The following NR1D2 variants were observed in gnomAD, a reference collection of about 807,000 sequenced individuals.
NR1D2 encodes the protein nuclear receptor subfamily 1 group D member 2.
In NR1D2, 25 loss-of-function variants were observed where a neutral mutation model predicts 52.2. That is an observed-to-expected ratio of 0.48 (90% CI 0.35 to 0.67). The LOEUF (loss-of-function observed/expected upper bound fraction) is 0.67, where lower values mean the gene tolerates loss of function less well. Among genes scored for constraint, NR1D2 ranks in the 30% least tolerant of loss-of-function variants. The pLI, the probability that NR1D2 is intolerant of heterozygous loss-of-function variation, is 0.01. For synonymous variants in NR1D2, 259 were observed against 230.1 expected (o/e 1.13, Z -1.14); for missense variants, 681 against 707.2 (o/e 0.96, Z 0.42).
intron 3 of NR1D2, among the ~76,000 whole-genome samples, chr3:23,957,390 CTTTTTTTTTT>C (rs201651739): frequency 1.8e-5 from 2 of 110,560 alleles, no homozygotes; most frequent in African/African-American, 3.6e-5. Flanking sequence ...CTCTATATAT[CTTTTTTTTTT>C]TTTTTTTTTT....
chr3:23,965,498 T>A (rs1346442388), intron 6 of NR1D2, among the ~76,000 whole-genome samples: 1 of 151,786 alleles, frequency 6.6e-6, no homozygotes, highest in African/African-American at 2.4e-5. Context: ...TCTGCCCACT[T>A]TGGCCTCCTA....
chr3:23,953,553 T>C (rs1224811786), intron 1 of NR1D2, among the ~76,000 whole-genome samples: 1 of 152,092 alleles, frequency 6.6e-6, no homozygotes, highest in Non-Finnish European at 1.5e-5. Context: ...CTGGATTTCT[T>C]AAGAGCTGCT....
chr3:23,945,458 A>T lies in NR1D2; in HGVS notation c.-121A>T, dbSNP rs1412097923. On this transcript the variant is annotated 5_prime_UTR_variant, in exon 1 of 8. The change abolishes an upstream ATG in the 5' untranslated region. Coordinates refer to ENST00000312521, the MANE Select transcript of NR1D2 (RefSeq NM_005126.5). ...CCCGGGAGCCCCGCCCGCTCTGCCC[A>T]TGAGGGGGCCCCGCGACCACCGCTG... 4.5e-6 allele frequency: 2 copies of T among 447,704 alleles called. No homozygotes were observed. Among genetic ancestry groups the T allele is most frequent in the Non-Finnish European group, 6.1e-6 (2 of 326,650 alleles). 27.7% of individuals were successfully genotyped at this position (447,704 alleles called of 1,614,324 possible).
chr3:23,945,839 T>G (rs1052872611), intron 1 of NR1D2, among the ~76,000 whole-genome samples: 5 of 150,330 alleles, frequency 3.3e-5, no homozygotes, highest in East Asian at 2.0e-4. Flanking sequence ...CCCCCTCACA[T>G]GGCCCGGCCG....
Position 23,967,881 on chromosome 3 carries a change from G to A in NR1D2, c.1401G>A (p.Lys467=), listed in dbSNP as rs141382184. 6.8e-6 allele frequency: 11 copies of A among 1,613,976 alleles called. No individual in the cohort carries two copies. The highest frequency in any genetic ancestry group is 9.3e-6 in the Non-Finnish European group (11 of 1,179,984). Residue 467 remains lysine, a synonymous_variant, in exon 7 of 8, where the codon AAG becomes AAA. Coordinates refer to ENST00000312521, the MANE Select transcript of NR1D2 (RefSeq NM_005126.5). ...KERTVTFLSG[K]KYSVDDLHSM... The stretch of plus-strand genomic sequence containing the variant: ...GTACTGTCACCTTTTTAAGTGGAAA[G>A]AAATATAGTGTGGATGATTTACACT...
At chr3:23,970,291 A>G (rs535981269) in intron 7 of NR1D2, among the ~76,000 whole-genome samples, 1 of 152,312 alleles carries the variant, frequency 6.6e-6, no homozygotes, top group South Asian at 2.1e-4. Flanking sequence ...TCCCAGAGGT[A>G]GTTCAGAGGA....
intron 1 of NR1D2, among the ~76,000 whole-genome samples, chr3:23,951,549 C>T (rs1418932490): frequency 6.6e-6 from 1 of 152,224 alleles, no homozygotes. Context: ...TATATAAAGA[C>T]AGCACAATGG....
intron 1 of NR1D2, chr3:23,946,293 C>A (rs1305534874): frequency 4.1e-6 from 4 of 985,392 alleles, no homozygotes; most frequent in African/African-American, 1.7e-5. Context: ...CCAAACGAAC[C>A]GGCGCCTGGG....
chr3:23,968,139 G>A (rs1203101783), intron 7 of NR1D2, 116 bp downstream of exon 7: 2 of 744,184 alleles, frequency 2.7e-6, no homozygotes, highest in Admixed American at 2.4e-5. Context: ...CCTTAAGGAA[G>A]ATGCTAAATT....
rs187732676 is a variant in NR1D2, at chr3:23,950,145, A to T, written c.17-4392A>T. On this transcript the variant is annotated intron_variant, in intron 1 of 7. Transcript: ENST00000312521. ...CTCTTCTTACTTTATCATCAAAAAC[A>T]GTGTATGAAAAAAGCACTTATGAAT... Among the ~76,000 whole-genome samples, 203 of 152,344 alleles carry T rather than the reference A, an allele frequency of 1.3e-3. 1 individual carries two copies. The highest frequency in any genetic ancestry group is 2.2e-3 in the Non-Finnish European group (151 of 68,032).
At chr3:23,947,366 C>A (rs1318945458) in intron 1 of NR1D2, among the ~76,000 whole-genome samples, 1 of 152,232 alleles carries the variant, frequency 6.6e-6, no homozygotes, top group Non-Finnish European at 1.5e-5. Flanking sequence ...CCATCCCCTT[C>A]CCCCTTCAGT....
At chr3:23,962,662 C>G in intron 5 of NR1D2, 57 bp downstream of exon 5, 3 of 1,505,996 alleles carry the variant, frequency 2.0e-6, no homozygotes, top group Non-Finnish European at 2.7e-6. Flanking sequence ...TGAAAATTTT[C>G]TTTTATTCGG....
intron 7 of NR1D2, among the ~76,000 whole-genome samples, chr3:23,974,545 G>A (rs1027906686): frequency 1.3e-5 from 2 of 151,908 alleles, no homozygotes; most frequent in Admixed American, 6.6e-5. Context: ...TTTGTTCACC[G>A]CTGATTTCCA....
At chr3:23,964,848 T>A in intron 5 of NR1D2, 129 bp from the exon 6 acceptor site, 1 of 630,328 alleles carries the variant, frequency 1.6e-6, no homozygotes, top group Non-Finnish European at 2.7e-6. Context: ...AGTGCTAATA[T>A]CTCAGTAGAT....
At chr3:23,950,230 C>T (rs988085067) in intron 1 of NR1D2, among the ~76,000 whole-genome samples, 1 of 152,202 alleles carries the variant, frequency 6.6e-6, no homozygotes, top group African/African-American at 2.4e-5. Flanking sequence ...GAAGACCACT[C>T]AGGTTTAGAA....
chr3:23,963,516 C>T (rs1706345061), intron 5 of NR1D2: 1 of 464,578 alleles, frequency 2.2e-6, no homozygotes, highest in Non-Finnish European at 2.8e-6. Flanking sequence ...GTGGCGCGAC[C>T]TCAGCTCATT....
At position 23,967,934 on chromosome 3, in the gene NR1D2, CTA is replaced by C. The variant is rs1706493895; in HGVS notation, c.1456_1457del (p.Met486ValfsTer2). 1.9e-6 allele frequency: 3 copies of C among 1,613,924 alleles called. No individual in the cohort carries two copies. The highest frequency in any genetic ancestry group is 3.3e-5 in the Admixed American group (2 of 59,994). On this transcript the variant is annotated frameshift_variant, in exon 7 of 8. Coordinates refer to ENST00000312521, the MANE Select transcript of NR1D2 (RefSeq NM_005126.5). LOFTEE classifies it high-confidence loss of function. ...ATGGGAGCAGGGGATCTGCTAAACT[CTA>C]TGTTTGAATTTAGTGAGAAGCTAAA...
Position 23,972,364 on chromosome 3 carries a change from A to G in NR1D2, c.1543+4341A>G, listed in dbSNP as rs138358494. 1.0e-3 allele frequency among the ~76,000 whole-genome samples: 155 copies of G among 152,352 alleles called. 1 individual carries two copies. Among genetic ancestry groups the G allele is most frequent in the Non-Finnish European group, 1.9e-3 (129 of 68,030 alleles). ...TTCCATTATACTGCTTGTTAACAGA[A>G]TAGCTCTAGCTGCTAAGGGGGAGAA... On this transcript the variant is annotated intron_variant, in intron 7 of 7. Coordinates refer to ENST00000312521, the MANE Select transcript of NR1D2 (RefSeq NM_005126.5).
chr3:23,953,951 G>A (rs192404349), intron 1 of NR1D2, among the ~76,000 whole-genome samples: 1 of 152,296 alleles, frequency 6.6e-6, no homozygotes, highest in Non-Finnish European at 1.5e-5. Context: ...AGCTTTAGGT[G>A]TGAGGATCTC....
Sources: gnomAD v4.1 joint callset for allele counts (sites outside exome capture counted in the v4.1 genomes callset) on GRCh38, gnomAD v4.1.1 for gene constraint, MANE v1.5 for transcripts, NCBI Gene and HGNC (gene_info 2026-07-23, HGNC 2026-07-21) for gene names.